Variants in ITGAX observed in about 807,000 individuals in gnomAD.
The protein encoded by ITGAX is integrin subunit alpha X.
ITGAX carries 99 observed loss-of-function variants against 140.2 expected under a neutral mutation model. The ratio of observed to expected loss-of-function variants is 0.71; its 90% CI spans 0.60 to 0.83. ITGAX has a LOEUF of 0.83. Ranked by LOEUF, ITGAX falls within the 40% of genes least tolerant of loss-of-function variation. The pLI is 0.00. For synonymous variants in ITGAX, 631 were observed against 600.4 expected (o/e 1.05, Z -0.75); for missense variants, 1,444 against 1,482.0 (o/e 0.97, Z 0.42).
At chr16:31,355,591 G>T (rs1028093561) in intron 1 of ITGAX, among the ~76,000 whole-genome samples, 1 of 152,166 alleles carries the variant, frequency 6.6e-6, no homozygotes, top group Non-Finnish European at 1.5e-5. Flanking sequence ...AGGATGCTTT[G>T]GTCCGCAAGT....
Position 31,371,359 on chromosome 16 carries a change from G to A in ITGAX, c.1867G>A (p.Val623Met), listed in dbSNP as rs147141299. Residue 623 changes from valine (V) to methionine (M), a missense_variant, in exon 16 of 30, where the codon GTG becomes ATG. By Grantham distance (21) the Val-to-Met change is conservative. Coordinates refer to ENST00000268296, the MANE Select transcript of ITGAX (RefSeq NM_000887.5). ...LRTRPVLWVG[V>M]SMQFIPAEIP... The stretch of plus-strand genomic sequence containing the variant: ...GACCAGACCTGTGCTCTGGGTGGGG[G>A]TGAGCATGCAGTTCATACCTGCCGA... The A allele has an allele frequency of 4.0e-5, 65 of 1,614,178 alleles. No homozygotes were observed. Among genetic ancestry groups the A allele is most frequent in the African/African-American group, 1.3e-4 (10 of 75,060 alleles).
intron 14 of ITGAX, among the ~76,000 whole-genome samples, chr16:31,364,700 A>G (rs964067718): frequency 6.6e-6 from 1 of 152,100 alleles, no homozygotes; most frequent in African/African-American, 2.4e-5. Context: ...TTTGGAAATC[A>G]GCATGGCAGG....
chr16:31,362,988 C>T lies in ITGAX; in HGVS notation c.1413C>T (p.Gly471=), dbSNP rs2080850435. The T allele has an allele frequency of 1.2e-6, 2 of 1,611,724 alleles. No homozygotes were observed. Among genetic ancestry groups the T allele is most frequent in the South Asian group, 1.1e-5 (1 of 91,004 alleles). ...SLCSVDVDSD[G]STDLVLIGAP... ...GCTCCGTGGACGTAGACAGCGACGGCAGCACCGACCTGGTCCTCATCGGGG... is the reference window on the plus strand; with the variant it reads ...GCTCCGTGGACGTAGACAGCGACGGTAGCACCGACCTGGTCCTCATCGGGG... The change falls in exon 13 of 30, where the codon GGC becomes GGT. Residue 471 remains glycine (G), a synonymous_variant. Transcript: ENST00000268296.
intron 14 of ITGAX, among the ~76,000 whole-genome samples, chr16:31,365,211 T>C (rs2080880762): frequency 6.6e-6 from 1 of 152,044 alleles, no homozygotes; most frequent in Admixed American, 6.6e-5. Context: ...TGGGGGAAAG[T>C]CAGGGGCATG....
At position 31,371,634 on chromosome 16, in the gene ITGAX, C is replaced by T. The variant is rs769878422; in HGVS notation, c.2010C>T (p.Asp670=). The change falls in exon 17 of 30, where the codon GAC becomes GAT. Residue 670 remains aspartate, a synonymous_variant. Coordinates refer to ENST00000268296, the MANE Select transcript of ITGAX (RefSeq NM_000887.5). The part of the protein sequence containing the change: ...KRSKNLLGSR[D]LQSSVTLDLA... The stretch of plus-strand genomic sequence containing the variant: ...CGTCCCTGCGACCGCCTACAGGTGA[C>T]CTCCAAAGCTCTGTGACCTTGGACC... 7.4e-6 allele frequency: 12 copies of T among 1,614,010 alleles called. No homozygotes were observed. Among genetic ancestry groups the T allele is most frequent in the Non-Finnish European group, 8.5e-7 (1 of 1,180,034 alleles).
rs1378090068 is a variant in ITGAX at position 31,378,848 on chromosome 16, C to T, written c.2790-720C>T. Among the ~76,000 whole-genome samples, 9 of 149,134 alleles carry T rather than the reference C, an allele frequency of 6.0e-5. 1 individual carries two copies. Among genetic ancestry groups the T allele is most frequent in the African/African-American group, 2.2e-4 (9 of 40,176 alleles). ...TTTTTTTTTTTGAGACCAAGTCTCA[C>T]TGTGTTGCCCAGGCTGGAGTGCAGT... On this transcript the variant is annotated intron_variant, in intron 23 of 29. Coordinates refer to ENST00000268296, the MANE Select transcript of ITGAX (RefSeq NM_000887.5).
In ITGAX at chr16:31,371,707, A is replaced by T; in HGVS notation, c.2083A>T (p.Thr695Ser). Residue 695 changes from threonine to serine, a missense_variant, in exon 17 of 30, where the codon ACA (threonine) becomes TCA (serine). By Grantham distance (58) the Thr-to-Ser change is moderately conservative (BLOSUM62 1). Transcript: ENST00000268296. ...RLSPRATFQE[T>S]KNRSLSRVRV... The stretch of plus-strand genomic sequence containing the variant: ...GAGTCCCCGTGCCACCTTCCAGGAA[A>T]CAAAGAACCGGAGTCTGAGCCGAGT... 6.2e-7 allele frequency: 1 copy of T among 1,614,136 alleles called. No homozygotes were observed. Among genetic ancestry groups the T allele is most frequent in the Non-Finnish European group, 8.5e-7 (1 of 1,180,036 alleles).
At position 31,361,172 on chromosome 16, in the gene ITGAX, A is replaced by G. The variant is rs1255951204; in HGVS notation, c.971A>G (p.Asp324Gly). ...GTGGAGGACTTTGATGCTCTGAAAG[A>G]TATTCAAAACCAACTGAAGGAGAAG... is the stretch of plus-strand genomic sequence containing the variant. ...FKVEDFDALK[D>G]IQNQLKEKIF... Residue 324 changes from aspartate (D) to glycine (G), a missense_variant, in exon 9 of 30, where the codon GAT becomes GGT. Coordinates refer to ENST00000268296, the MANE Select transcript of ITGAX (RefSeq NM_000887.5). 6.2e-7 allele frequency: 1 copy of G among 1,613,758 alleles called. No individual in the cohort carries two copies.
At chr16:31,373,483 G>T in intron 20 of ITGAX, 93 bp downstream of exon 20, 1 of 1,343,024 alleles carries the variant, frequency 7.4e-7, no homozygotes, top group Non-Finnish European at 1.0e-6. Flanking sequence ...GGAGGTGGTA[G>T]TGCCATCTGG....
intron 4 of ITGAX, 22 bp from the exon 5 acceptor site, chr16:31,357,231 C>T: frequency 1.3e-6 from 2 of 1,570,798 alleles, no homozygotes; most frequent in Admixed American, 1.8e-5. Flanking sequence ...GGCAGCCCCC[C>T]AGCAGCCCGC....
In ITGAX at chr16:31,371,642, G is replaced by T; in HGVS notation, c.2018G>T (p.Ser673Ile). ...KNLLGSRDLQ[S>I]SVTLDLALDP... Reference sequence around the variant, plus strand: ...CGACCGCCTACAGGTGACCTCCAAAGCTCTGTGACCTTGGACCTGGCCCTC... The same window carrying T: ...CGACCGCCTACAGGTGACCTCCAAATCTCTGTGACCTTGGACCTGGCCCTC... Residue 673 changes from serine to isoleucine, a missense_variant, in exon 17 of 30, where the codon AGC (serine) becomes ATC (isoleucine). Ser to Ile is a moderately radical substitution (Grantham distance 142). Transcript: ENST00000268296. The T allele has an allele frequency of 6.2e-7, 1 of 1,614,074 alleles. No individual in the cohort carries two copies. The highest frequency in any genetic ancestry group is 8.5e-7 in the Non-Finnish European group (1 of 1,180,018).
At chr16:31,379,165 G>C (rs543050923) in intron 23 of ITGAX, among the ~76,000 whole-genome samples, 2 of 151,418 alleles carry the variant, frequency 1.3e-5, no homozygotes, top group Admixed American at 1.3e-4. Context: ...GTCTTGCTCT[G>C]TCATTCAGTG....
intron 14 of ITGAX, 34 bp from the exon 15 acceptor site, chr16:31,371,050 T>C (rs2080950946): frequency 6.2e-7 from 1 of 1,613,112 alleles, no homozygotes; most frequent in Non-Finnish European, 8.5e-7. Flanking sequence ...TCCCCTACTT[T>C]CCATCTTGAT....
At chr16:31,371,840 G>A in intron 17 of ITGAX, 56 bp downstream of exon 17, 1 of 1,588,896 alleles carries the variant, frequency 6.3e-7, no homozygotes, top group Non-Finnish European at 8.6e-7. Context: ...AGAAGGCAGG[G>A]CAGGGAGAGA....
chr16:31,379,651 G>A lies in ITGAX; in HGVS notation c.2868+5G>A. The stretch of plus-strand genomic sequence containing the variant: ...GTGGCCATGCACAGATACCAGGCAG[G>A]TGGTGGAGACGCAGGAGACTGGGCT... On this transcript the variant is annotated splice_donor_5th_base_variant and intron_variant, in intron 24 of 29. Transcript: ENST00000268296. 6.4e-7 allele frequency: 1 copy of A among 1,565,702 alleles called. No homozygotes were observed. The highest frequency in any genetic ancestry group is 8.7e-7 in the Non-Finnish European group (1 of 1,154,476).
intron 11 of ITGAX, 97 bp from the exon 12 acceptor site, chr16:31,362,514 C>T (rs2080841628): frequency 3.6e-5 from 46 of 1,290,132 alleles, no homozygotes; most frequent in Non-Finnish European, 3.9e-5. Context: ...GTCCAGGGTT[C>T]TGGGGAGGGG....
intron 1 of ITGAX, 107 bp from the exon 2 acceptor site, chr16:31,355,786 C>A: frequency 1.2e-6 from 1 of 821,628 alleles, no homozygotes; most frequent in Non-Finnish European, 2.0e-6. Context: ...CCAGGCACCC[C>A]GGGCATCAGG....
At position 31,361,071 on chromosome 16, in the gene ITGAX, A is replaced by G; in HGVS notation, c.870A>G (p.Leu290=). 1 of 1,612,614 alleles carries G rather than the reference A, an allele frequency of 6.2e-7. No homozygotes were observed. Among genetic ancestry groups the G allele is most frequent in the Non-Finnish European group, 8.5e-7 (1 of 1,179,694 alleles). Residue 290 remains leucine, a synonymous_variant, in exon 9 of 30, where the codon TTA becomes TTG. Coordinates refer to ENST00000268296, the MANE Select transcript of ITGAX (RefSeq NM_000887.5). ...GIIRYAIGVG[L]AFQNRNSWKE... ...ATCTTTTCTGGGGACAGGTTGGATT[A>G]GCTTTTCAAAACAGAAATTCTTGGA...
Position 31,357,285 on chromosome 16 carries a change from G to C in ITGAX, c.351G>C (p.Gly117=). The change falls in exon 5 of 30, where the codon GGG becomes GGC. Residue 117 remains glycine (G), a synonymous_variant. Coordinates refer to ENST00000268296, the MANE Select transcript of ITGAX (RefSeq NM_000887.5). The stretch of plus-strand genomic sequence containing the variant: ...GCCCCACCGTGCACCACGAGTGCGG[G>C]AGGAACATGTACCTCACCGGACTCT... ...ACGPTVHHEC[G]RNMYLTGLCF... The C allele has an allele frequency of 1.9e-6, 3 of 1,608,408 alleles. No individual in the cohort carries two copies. The highest frequency in any genetic ancestry group is 2.5e-6 in the Non-Finnish European group (3 of 1,178,028).
Sources: gnomAD v4.1 joint callset for allele counts (sites outside exome capture counted in the v4.1 genomes callset) on GRCh38, gnomAD v4.1.1 for gene constraint, MANE v1.5 for transcripts, NCBI Gene and HGNC (gene_info 2026-07-23, HGNC 2026-07-21) for gene names.